RBFOX1: variants seen among roughly 807,000 people sequenced by gnomAD.
RBFOX1 encodes RNA binding fox-1 homolog 1, also known as RNA binding protein fox-1 homolog 1.
Under a neutral mutation model 57.7 loss-of-function variants are expected in RBFOX1, and 8 were observed. The observed-to-expected ratio is 0.14, with a 90% CI of 0.08 to 0.25. RBFOX1 has a LOEUF of 0.25. Ranked by LOEUF, RBFOX1 falls within the 10% of genes least tolerant of loss-of-function variation. The pLI is 1.00. For synonymous variants in RBFOX1, 326 were observed against 222.4 expected (o/e 1.47, Z -4.15); for missense variants, 611 against 548.5 (o/e 1.11, Z -1.14).
chr16:5,947,997 T>C lies in RBFOX1; in HGVS notation c.351+80662T>C, dbSNP rs1368277973. Among the ~76,000 whole-genome samples, 1 of 152,240 alleles carries C rather than the reference T, an allele frequency of 6.6e-6. No homozygotes were observed. Among genetic ancestry groups the C allele is most frequent in the Non-Finnish European group, 1.5e-5 (1 of 68,040 alleles). ...TTTTGACCGTGGCGCTGAGGACATA[T>C]GTTCATACATTTTCATGGCAGGAAC... On this transcript the variant is annotated intron_variant, in intron 4 of 19. Coordinates refer to the RBFOX1 transcript ENST00000641259. This position sits in a 1 kb window ranked among gnomAD's most constrained non-coding sequence, Gnocchi z 7.2.
At chr16:5,845,266 C>G (rs948712254) in intron 3 of RBFOX1, among the ~76,000 whole-genome samples, 1 of 152,116 alleles carries the variant, frequency 6.6e-6, no homozygotes, top group African/African-American at 2.4e-5. Context: ...CAAAGCATTT[C>G]CACCACCGTT....
intron 4 of RBFOX1, among the ~76,000 whole-genome samples, chr16:7,507,561 C>CTTTTTTT (rs200393762): frequency 0.015 from 1,817 of 122,640 alleles, 57 homozygotes; most frequent in Non-Finnish European, 0.021. Context: ...TTTTTTCTTT[C>CTTTTTTT]TTTCTTTTTT....
intron 4 of RBFOX1, among the ~76,000 whole-genome samples, chr16:7,081,911 T>A (rs61508689): frequency 3.3e-5 from 5 of 152,146 alleles, no homozygotes; most frequent in African/African-American, 1.2e-4. Flanking sequence ...TTTGGGATAA[T>A]GTAGTAGAAA....
intron 14 of RBFOX1, among the ~76,000 whole-genome samples, chr16:7,701,636 A>G (rs1004410982): frequency 2.0e-5 from 3 of 151,928 alleles, no homozygotes; most frequent in African/African-American, 4.8e-5. Flanking sequence ...AGTTCCTCCA[A>G]CTTCAGTATC....
At chr16:6,437,548 T>C (rs1541487) in intron 2 of RBFOX1, among the ~76,000 whole-genome samples, 103,356 of 152,080 alleles carry the variant, frequency 0.68, 36,969 homozygotes, top group African/African-American at 0.91. Context: ...TTCCAGTCAT[T>C]TCTAATAGAT....
At position 7,687,850 on chromosome 16, in the gene RBFOX1, A is replaced by AGATGAG. The variant is rs1377352414; in HGVS notation, c.995+11012_995+11013insGATGAG. Among the ~76,000 whole-genome samples the AGATGAG allele has an allele frequency of 2.0e-5, 3 of 152,162 alleles. No individual in the cohort carries two copies. In the East Asian group the frequency reaches 5.8e-4, roughly 30 times the overall value. On this transcript the variant is annotated intron_variant, in intron 14 of 15. Coordinates refer to ENST00000550418, the MANE Select transcript of RBFOX1 (RefSeq NM_018723.4). ...GCAAGATACATATGTTCAGAGAGGT[A>AGATGAG]TTCATACAGTGAGATGAGTTCTCCG...
intron 5 of RBFOX1, among the ~76,000 whole-genome samples, chr16:7,528,020 A>C (rs555987609): frequency 5.9e-5 from 9 of 152,344 alleles, no homozygotes; most frequent in African/African-American, 2.2e-4. Flanking sequence ...ACAAACTATC[A>C]GTACAAGCTG....
chr16:6,450,742 TATATATATATAC>T lies in RBFOX1; in HGVS notation c.-64+133696_-64+133707del, dbSNP rs2094571865. 6.4e-5 allele frequency among the ~76,000 whole-genome samples: 5 copies of T among 77,624 alleles called. 1 individual carries two copies. The highest frequency in any genetic ancestry group is 3.3e-4 in the Admixed American group (2 of 6,060). The allele number at this position is 77,624 out of a possible 152,430, so 50.9% of individuals were successfully genotyped here. ...GTGGTGGTGGCAGGGGAATAAATTTTATATATATATACATATATATATGTGTATATATATATA... is the reference window on the plus strand; with the variant it reads ...GTGGTGGTGGCAGGGGAATAAATTTTATATATATATGTGTATATATATATA... On this transcript the variant is annotated intron_variant, in intron 2 of 15. Transcript: ENST00000550418.
intron 1 of RBFOX1, among the ~76,000 whole-genome samples, chr16:6,048,836 C>G (rs1365573074): frequency 6.6e-6 from 1 of 152,046 alleles, no homozygotes; most frequent in Non-Finnish European, 1.5e-5. Context: ...CCTTTTATGA[C>G]ACAGGTGGTG....
At chr16:7,318,614 A>G (rs1164831360) in intron 4 of RBFOX1, among the ~76,000 whole-genome samples, 1 of 152,228 alleles carries the variant, frequency 6.6e-6, no homozygotes, top group East Asian at 1.9e-4. Flanking sequence ...TAGCGTTCCT[A>G]TAAACAAACT....
At chr16:5,960,621 T>A (rs2059728779) in intron 4 of RBFOX1, among the ~76,000 whole-genome samples, 1 of 152,042 alleles carries the variant, frequency 6.6e-6, no homozygotes, top group South Asian at 2.1e-4. Context: ...AGCAGTCATA[T>A]CTCCGAAACC....
intron 3 of RBFOX1, among the ~76,000 whole-genome samples, chr16:6,908,756 G>T (rs898593942): frequency 6.6e-6 from 1 of 152,168 alleles, no homozygotes; most frequent in African/African-American, 2.4e-5. Context: ...TTGACTCACT[G>T]TGCAATCTGG....
At chr16:7,173,045 G>C (rs761350977) in intron 4 of RBFOX1, among the ~76,000 whole-genome samples, 2 of 152,128 alleles carry the variant, frequency 1.3e-5, no homozygotes, top group Admixed American at 1.3e-4. Context: ...GTAGAAATAA[G>C]ATATTAGTAC....
chr16:7,223,325 G>A (rs541946579), intron 4 of RBFOX1, among the ~76,000 whole-genome samples: 23 of 152,316 alleles, frequency 1.5e-4, no homozygotes, highest in African/African-American at 4.8e-4. Flanking sequence ...TGATTTTTCC[G>A]TGAGGATAGA....
intron 3 of RBFOX1, among the ~76,000 whole-genome samples, chr16:5,761,234 G>C (rs569444806): frequency 6.6e-6 from 1 of 152,272 alleles, no homozygotes; most frequent in African/African-American, 2.4e-5. Flanking sequence ...TGTATATTAA[G>C]GTGACTTCTG....
intron 1 of RBFOX1, among the ~76,000 whole-genome samples, chr16:5,364,681 C>T (rs555800645): frequency 6.6e-6 from 1 of 152,332 alleles, no homozygotes; most frequent in South Asian, 2.1e-4. Flanking sequence ...TCTCGGAAAA[C>T]CCTGGGTACC....
At chr16:5,592,511 G>T (rs2047042234) in intron 2 of RBFOX1, among the ~76,000 whole-genome samples, 1 of 151,714 alleles carries the variant, frequency 6.6e-6, no homozygotes, top group Non-Finnish European at 1.5e-5. Flanking sequence ...CTGCCTCCTG[G>T]GTTCAAGCGA....
chr16:7,376,989 G>A (rs1266802743), intron 4 of RBFOX1, among the ~76,000 whole-genome samples: 1 of 152,156 alleles, frequency 6.6e-6, no homozygotes. Flanking sequence ...GTGTCAGGTG[G>A]TTGCTTGGAA....
chr16:7,384,338 A>G (rs985405045), intron 4 of RBFOX1, among the ~76,000 whole-genome samples: 8 of 152,292 alleles, frequency 5.3e-5, no homozygotes, highest in South Asian at 2.1e-4. Context: ...AAATTTCAAT[A>G]TGAAAAACGA....
Sources: allele counts gnomAD v4.1 joint callset (sites outside exome capture counted in the v4.1 genomes callset), GRCh38; gene constraint gnomAD v4.1.1; non-coding constraint Gnocchi (gnomAD v3.1); transcripts MANE v1.5; gene names NCBI Gene and HGNC (gene_info 2026-07-23, HGNC 2026-07-21).